The following MBP variants were observed in gnomAD, a reference collection of about 807,000 sequenced individuals.
The protein encoded by MBP is myelin basic protein.
A neutral mutation model predicts 35.8 loss-of-function variants in MBP; 16 were observed. The observed-to-expected ratio is 0.45, with a 90% CI of 0.30 to 0.68. The LOEUF (loss-of-function observed/expected upper bound fraction) is 0.68, where lower values mean the gene tolerates loss of function less well. Ranked by LOEUF, MBP falls within the 30% of genes least tolerant of loss-of-function variation. The probability of loss-of-function intolerance (pLI) is 0.08; values close to 1 mark genes in which losing one functional copy is unlikely to be tolerated. For missense variants in MBP, 380 were observed against 404.7 expected, an observed-to-expected ratio of 0.94 and a Z score of 0.52; for synonymous variants, 143 against 159.6, an observed-to-expected ratio of 0.90 and a Z score of 0.78.
At chr18:77,085,995 G>A (rs1568332577) in intron 2 of MBP, among the ~76,000 whole-genome samples, 1 of 152,040 alleles carries the variant, frequency 6.6e-6, no homozygotes, top group Non-Finnish European at 1.5e-5. Flanking sequence ...AGTGCAATAA[G>A]GAGAGAGAGA....
intron 3 of MBP, among the ~76,000 whole-genome samples, chr18:77,045,033 G>A (rs1272764706): frequency 6.6e-6 from 1 of 151,892 alleles, no homozygotes; most frequent in Non-Finnish European, 1.5e-5. Context: ...GTACTGATAA[G>A]CGGATAGATA....
At chr18:77,048,116 T>C (rs1170323120) in intron 3 of MBP, among the ~76,000 whole-genome samples, 1 of 152,198 alleles carries the variant, frequency 6.6e-6, no homozygotes, top group Non-Finnish European at 1.5e-5. Context: ...TTGACGCCCT[T>C]TTAATCTCCA....
intron 1 of MBP, among the ~76,000 whole-genome samples, chr18:77,130,702 T>C (rs1977213755): frequency 6.6e-6 from 1 of 151,972 alleles, no homozygotes; most frequent in Admixed American, 6.5e-5. Flanking sequence ...TTTTTTCTTT[T>C]TTCCCCAGCG....
intron 3 of MBP, among the ~76,000 whole-genome samples, chr18:77,026,537 T>A (rs1360327053): frequency 1.3e-5 from 2 of 152,114 alleles, no homozygotes; most frequent in Non-Finnish European, 2.9e-5. Flanking sequence ...TTAAATGTTG[T>A]CCCCTTTTAT....
Position 76,997,748 on chromosome 18 carries a change from C to T in MBP, c.577-7688G>A, listed in dbSNP as rs371250131. Among the ~76,000 whole-genome samples, 1,343 of 151,024 alleles carry T rather than the reference C, an allele frequency of 8.9e-3. 23 individuals are homozygous for T. Among genetic ancestry groups the T allele is most frequent in the Admixed American group, 0.032 (489 of 15,180 alleles). On this transcript the variant is annotated intron_variant, in intron 4 of 8. Coordinates refer to ENST00000355994, the MANE Select transcript of MBP (RefSeq NM_001025101.2). ...CCCAGGCTGGAGTGCAGTGGCGCGA[C>T]CTCGGCTCACTGCAAGCTCCGCCTC...
chr18:77,037,409 G>A (rs1405394899), intron 3 of MBP, among the ~76,000 whole-genome samples: 1 of 152,250 alleles, frequency 6.6e-6, no homozygotes, highest in African/African-American at 2.4e-5. Flanking sequence ...CCTCCAGTGA[G>A]GTCGGGAGTA....
intron 2 of MBP, among the ~76,000 whole-genome samples, chr18:77,071,357 TA>T (rs1974440316): frequency 6.6e-6 from 1 of 151,818 alleles, no homozygotes. Flanking sequence ...TTCAATCCCT[TA>T]AAAAATGCTG....
intron 8 of MBP, chr18:76,984,379 C>G: frequency 4.4e-6 from 1 of 227,866 alleles, no homozygotes. Flanking sequence ...CCTGGGCATT[C>G]CCTCCCGTGG....
Position 77,118,875 on chromosome 18 carries a change from TCA to T in MBP, c.-25-13591_-25-13590del, listed in dbSNP as rs759527813. Among the ~76,000 whole-genome samples, 1,400 of 143,098 alleles carry T rather than the reference TCA, an allele frequency of 9.8e-3. 23 individuals carry two copies. Among genetic ancestry groups the T allele is most frequent in the African/African-American group, 0.035 (1,327 of 38,312 alleles). 93.9% of individuals were successfully genotyped at this position (143,098 alleles called of 152,430 possible). A position where few individuals can be genotyped will look rare whatever the true frequency, so the allele number is the denominator to read the frequency against. On this transcript the variant is annotated intron_variant, in intron 1 of 8. Transcript: ENST00000355994. ...ACCACACACACACTCCACAGACACT[TCA>T]CACACACCAGACACACACCACACAC...
rs146057610 is a variant in MBP at position 77,125,100 on chromosome 18, C to T, written c.-26+7480G>A. On this transcript the variant is annotated intron_variant, in intron 1 of 8. Transcript: ENST00000355994. ...CTTATATTACTTGAACAAATGACAA[C>T]GAAGAGGAGGGAGACTGTCTCTCCT... Among the ~76,000 whole-genome samples the T allele has an allele frequency of 5.4e-3, 827 of 152,216 alleles. 7 individuals carry two copies. The highest frequency in any genetic ancestry group is 0.019 in the African/African-American group (791 of 41,538).
chr18:77,089,736 G>A lies in MBP; in HGVS notation c.51+15475C>T, dbSNP rs368412605. On this transcript the variant is annotated intron_variant, in intron 2 of 8. Transcript: ENST00000355994. ...GGTCCCATCCTGCCGTGACTTTTAC[G>A]AATATTTTCTTCTTGGTCTGACAGC... Among the ~76,000 whole-genome samples the A allele has an allele frequency of 2.6e-5, 4 of 152,338 alleles. No individual in the cohort carries two copies. In the East Asian group the frequency reaches 5.8e-4, roughly 22 times the overall value.
At chr18:77,021,510 GTCTCAC>G (rs1971985762) in intron 3 of MBP, among the ~76,000 whole-genome samples, 1 of 136,618 alleles carries the variant, frequency 7.3e-6, no homozygotes, top group South Asian at 2.3e-4. Flanking sequence ...TTGAGATGGA[GTCTCAC>G]TCTGTCGCCC....
chr18:77,084,593 C>T (rs1413583636), intron 2 of MBP, among the ~76,000 whole-genome samples: 1 of 152,046 alleles, frequency 6.6e-6, no homozygotes, highest in African/African-American at 2.4e-5. Context: ...CCTTATTTTT[C>T]CTTAAAAAAG....
chr18:77,029,403 A>G lies in MBP; in HGVS notation c.140-12135T>C, dbSNP rs1428111857. 1.5e-3 allele frequency among the ~76,000 whole-genome samples: 196 copies of G among 126,768 alleles called. 1 individual carries two copies. Among genetic ancestry groups the G allele is most frequent in the African/African-American group, 5.4e-3 (180 of 33,320 alleles). The allele number at this position is 126,768 out of a possible 152,430, so 83.2% of individuals were successfully genotyped here. ...CTCGGCATCAGAGGGAGACCGTGGAAAGAGAGGGAGAGGGAGACCGTGGGG... is the reference window on the plus strand; with the variant it reads ...CTCGGCATCAGAGGGAGACCGTGGAGAGAGAGGGAGAGGGAGACCGTGGGG... On this transcript the variant is annotated intron_variant, in intron 3 of 8. Transcript: ENST00000355994.
chr18:77,133,175 TGCCGATAGACTTGGCGCA>T (rs927883290), upstream of MBP, among the ~76,000 whole-genome samples: 1 of 151,926 alleles, frequency 6.6e-6, no homozygotes, highest in African/African-American at 2.4e-5. Flanking sequence ...CCCCAGAAAC[TGCCGATAGACTTGGCGCA>T]GCCCCGGCCC....
chr18:76,979,912 A>G lies in MBP; in HGVS notation c.*515T>C, dbSNP rs1311816718. On this transcript the variant is annotated 3_prime_UTR_variant, in exon 9 of 9. Transcript: ENST00000355994. ...TAGTAAGCCACTCCTTGACTGTCTA[A>G]TCCTGTTAGGAAAAATGAAGTCTAC... 5.7e-6 allele frequency: 4 copies of G among 701,636 alleles called. No individual in the cohort carries two copies. Among genetic ancestry groups the G allele is most frequent in the Non-Finnish European group, 1.0e-5 (4 of 384,714 alleles). 43.5% of individuals were successfully genotyped at this position (701,636 alleles called of 1,614,324 possible).
At chr18:77,091,788 T>C (rs34088194) in intron 2 of MBP, among the ~76,000 whole-genome samples, 13,918 of 151,066 alleles carry the variant, frequency 0.092, 871 homozygotes, top group Non-Finnish European at 0.14. Flanking sequence ...CACACACACA[T>C]CCTCATACAT....
At chr18:77,111,936 G>C (rs978534391) in intron 1 of MBP, among the ~76,000 whole-genome samples, 5 of 152,124 alleles carry the variant, frequency 3.3e-5, no homozygotes, top group Admixed American at 1.3e-4. Context: ...ATGAAACCAA[G>C]TGACGGGACT....
intron 4 of MBP, among the ~76,000 whole-genome samples, chr18:76,995,989 C>T (rs978062735): frequency 2.6e-5 from 4 of 152,130 alleles, no homozygotes; most frequent in Admixed American, 2.6e-4. Context: ...AAGACTCAAC[C>T]AGAAGAAAAC....
Sources: allele counts gnomAD v4.1 joint callset (sites outside exome capture counted in the v4.1 genomes callset), GRCh38; gene constraint gnomAD v4.1.1; transcripts MANE v1.5; gene names NCBI Gene and HGNC (gene_info 2026-07-23, HGNC 2026-07-21).